DCC: variants seen among roughly 807,000 people sequenced by gnomAD.
DCC encodes the protein netrin receptor DCC.
DCC carries 58 observed loss-of-function variants against 172.5 expected under a neutral mutation model. That is an observed-to-expected ratio of 0.34 (90% CI 0.27 to 0.42). DCC has a LOEUF of 0.42. DCC is among the 10% of genes least tolerant of loss of function. DCC has a pLI of 1.00. For synonymous variants in DCC, 709 were observed against 644.5 expected, an observed-to-expected ratio of 1.10 and a Z score of -1.52; for missense variants, 1,740 against 1,791.0, an observed-to-expected ratio of 0.97 and a Z score of 0.51.
chr18:53,048,714 G>A (rs114569940), intron 5 of DCC, among the ~76,000 whole-genome samples: 4,670 of 150,986 alleles, frequency 0.031, 210 homozygotes, highest in African/African-American at 0.091. Flanking sequence ...TATACTCAAT[G>A]ATGGGATTGC....
At chr18:53,317,508 G>C (rs2057358258) in intron 13 of DCC, among the ~76,000 whole-genome samples, 1 of 152,172 alleles carries the variant, frequency 6.6e-6, no homozygotes, top group Admixed American at 6.5e-5. Flanking sequence ...ATGAGTTAGA[G>C]AGGAGTCCCT....
At chr18:53,404,755 A>T (rs1209568201) in intron 19 of DCC, among the ~76,000 whole-genome samples, 1 of 139,764 alleles carries the variant, frequency 7.2e-6, no homozygotes, top group Admixed American at 7.3e-5. Flanking sequence ...AAAATAAAAA[A>T]TTAAAAAAAA....
intron 2 of DCC, among the ~76,000 whole-genome samples, chr18:52,846,299 T>G (rs547579613): frequency 6.6e-6 from 1 of 152,056 alleles, no homozygotes; most frequent in African/African-American, 2.4e-5. Flanking sequence ...CCCTGCACTT[T>G]GGGAAGCTGA....
chr18:52,664,062 A>C (rs1292382647), intron 1 of DCC, among the ~76,000 whole-genome samples: 1 of 152,258 alleles, frequency 6.6e-6, no homozygotes, highest in African/African-American at 2.4e-5. Context: ...ATTTTATCTA[A>C]GTAGAGCTGT....
At chr18:52,774,347 G>T (rs562445629) in intron 2 of DCC, among the ~76,000 whole-genome samples, 1 of 152,296 alleles carries the variant, frequency 6.6e-6, no homozygotes, top group South Asian at 2.1e-4. Flanking sequence ...GAATGTTGAA[G>T]ACGCTTCAGT....
At chr18:53,019,487 T>A (rs897390393) in intron 5 of DCC, among the ~76,000 whole-genome samples, 2 of 152,126 alleles carry the variant, frequency 1.3e-5, no homozygotes, top group African/African-American at 4.8e-5. Context: ...CCAGGCAAAC[T>A]TTTTATTCCC....
rs1568151221 is a variant in DCC, at chr18:53,467,959, GC to G, written c.3691del (p.Arg1231GlyfsTer5). On this transcript the variant is annotated frameshift_variant, in exon 25 of 29. Transcript: ENST00000442544. LOFTEE classifies it high-confidence loss of function. ...GGAGAGGTCGCTGGCTGCACGCCGA[GC>G]CCCCCGGGCCAAGCTCATGATTCCC... ...TLERSLAARR[A>X]PRAKLMIPMD... is the part of the protein sequence containing the mutation. 1.9e-6 allele frequency: 3 copies of G among 1,612,654 alleles called. No individual in the cohort carries two copies. Among genetic ancestry groups the G allele is most frequent in the Non-Finnish European group, 1.7e-6 (2 of 1,178,896 alleles).
chr18:52,498,198 C>T (rs1258284828), intron 1 of DCC, among the ~76,000 whole-genome samples: 1 of 152,090 alleles, frequency 6.6e-6, no homozygotes, highest in Admixed American at 6.6e-5. Flanking sequence ...GGTGGTGGGC[C>T]AGACCTAGTT....
intron 7 of DCC, among the ~76,000 whole-genome samples, chr18:53,156,646 G>C (rs1457158611): frequency 6.6e-6 from 1 of 152,142 alleles, no homozygotes; most frequent in East Asian, 1.9e-4. Context: ...CCCCAACCTT[G>C]TAAAATCCTG....
intron 5 of DCC, among the ~76,000 whole-genome samples, chr18:53,032,206 G>T (rs2042034618): frequency 6.6e-6 from 1 of 152,052 alleles, no homozygotes; most frequent in African/African-American, 2.4e-5. Flanking sequence ...TACAAAACTT[G>T]TCTAGAAGAA....
At chr18:53,263,627 C>T (rs2056632254) in intron 12 of DCC, among the ~76,000 whole-genome samples, 1 of 152,056 alleles carries the variant, frequency 6.6e-6, no homozygotes, top group South Asian at 2.1e-4. Flanking sequence ...CTTGAAAACA[C>T]ACAATGTTTT....
At chr18:52,860,465 CAAAT>C in intron 2 of DCC, among the ~76,000 whole-genome samples, 1 of 152,212 alleles carries the variant, frequency 6.6e-6, no homozygotes, top group Admixed American at 6.5e-5. Flanking sequence ...GGATTCAGTT[CAAAT>C]TATAGACAAA....
chr18:53,440,058 C>T (rs1019251683), intron 22 of DCC, among the ~76,000 whole-genome samples: 1 of 151,776 alleles, frequency 6.6e-6, no homozygotes, highest in Non-Finnish European at 1.5e-5. Flanking sequence ...AGCCACCGCG[C>T]CCGGCCGTAT....
intron 7 of DCC, among the ~76,000 whole-genome samples, chr18:53,150,916 C>T (rs2043987739): frequency 6.6e-6 from 1 of 152,174 alleles, no homozygotes; most frequent in South Asian, 2.1e-4. Flanking sequence ...ATCCTTCAGG[C>T]CCTGTCATGC....
chr18:52,344,954 A>G (rs1983815768), intron 1 of DCC, among the ~76,000 whole-genome samples: 1 of 152,212 alleles, frequency 6.6e-6, no homozygotes, highest in South Asian at 2.1e-4. Flanking sequence ...GAATTATGAT[A>G]GCTCTAATTA....
At chr18:52,996,007 C>T (rs187954176) in intron 5 of DCC, among the ~76,000 whole-genome samples, 1 of 151,762 alleles carries the variant, frequency 6.6e-6, no homozygotes, top group Non-Finnish European at 1.5e-5. Context: ...CTTTAGTGTC[C>T]AGCTTTGTTT....
chr18:52,768,583 C>A (rs991743772), intron 2 of DCC, among the ~76,000 whole-genome samples: 9 of 152,176 alleles, frequency 5.9e-5, no homozygotes. Flanking sequence ...AGTCCCCTGT[C>A]TGTTTATTTC....
At chr18:53,060,249 G>A (rs376378030) in intron 5 of DCC, among the ~76,000 whole-genome samples, 2 of 152,066 alleles carry the variant, frequency 1.3e-5, no homozygotes, top group Non-Finnish European at 2.9e-5. Context: ...GGCCAGGCTG[G>A]TCTTGAACTC....
chr18:52,793,983 A>C (rs1436575492), intron 2 of DCC, among the ~76,000 whole-genome samples: 1 of 152,008 alleles, frequency 6.6e-6, no homozygotes, highest in Non-Finnish European at 1.5e-5. Flanking sequence ...CTATTAATCT[A>C]TATTTCTGGG....
Sources: gnomAD v4.1 joint callset for allele counts (sites outside exome capture counted in the v4.1 genomes callset) on GRCh38, gnomAD v4.1.1 for gene constraint, MANE v1.5 for transcripts, NCBI Gene and HGNC (gene_info 2026-07-23, HGNC 2026-07-21) for gene names.